MYOZ2: variants seen among roughly 807,000 people sequenced by gnomAD.
The protein encoded by MYOZ2 is myozenin-2.
A neutral mutation model predicts 25.4 loss-of-function variants in MYOZ2; 19 were observed. The observed-to-expected ratio is 0.75, with a 90% CI of 0.52 to 1.10. The LOEUF (loss-of-function observed/expected upper bound fraction) is 1.10. Ranked by LOEUF, MYOZ2 falls within the 50% of genes least tolerant of loss-of-function variation. The pLI is 0.00. For missense variants in MYOZ2, 270 were observed against 317.9 expected (o/e 0.85, Z 1.15); for synonymous variants, 92 against 106.9 (o/e 0.86, Z 0.86).
chr4:119,158,800 C>T (rs372150093), intron 4 of MYOZ2, among the ~76,000 whole-genome samples: 61 of 152,214 alleles, frequency 4.0e-4, no homozygotes, highest in African/African-American at 1.3e-3. Context: ...AACTCTATGA[C>T]ATATTAATTA....
At chr4:119,177,497 C>T (rs1742101830) in intron 5 of MYOZ2, among the ~76,000 whole-genome samples, 1 of 152,164 alleles carries the variant, frequency 6.6e-6, no homozygotes, top group Non-Finnish European at 1.5e-5. Flanking sequence ...AGACAATTCA[C>T]ACTTTCTTCT....
intron 5 of MYOZ2, among the ~76,000 whole-genome samples, chr4:119,174,391 A>G (rs563959841): frequency 2.0e-5 from 3 of 152,098 alleles, no homozygotes; most frequent in Non-Finnish European, 4.4e-5. Flanking sequence ...GAATGCACCA[A>G]TGGACACTCT....
At chr4:119,151,295 C>G (rs543470663) in intron 3 of MYOZ2, among the ~76,000 whole-genome samples, 7 of 152,150 alleles carry the variant, frequency 4.6e-5, no homozygotes, top group Non-Finnish European at 5.9e-5. Context: ...GTCTGTTCCA[C>G]TAAGAGGAGG....
At chr4:119,156,967 T>G (rs1741589754) in intron 3 of MYOZ2, among the ~76,000 whole-genome samples, 2 of 152,224 alleles carry the variant, frequency 1.3e-5, no homozygotes, top group African/African-American at 4.8e-5. Context: ...ATTTATGGCC[T>G]TTAGTTATGG....
At chr4:119,176,941 C>G (rs927189305) in intron 5 of MYOZ2, among the ~76,000 whole-genome samples, 10 of 152,116 alleles carry the variant, frequency 6.6e-5, no homozygotes, top group African/African-American at 2.4e-4. Flanking sequence ...TAACTAGTTC[C>G]CAGATGAAGC....
chr4:119,185,635 G>A (rs1488290448), intron 5 of MYOZ2, among the ~76,000 whole-genome samples: 1 of 152,146 alleles, frequency 6.6e-6, no homozygotes, highest in Non-Finnish European at 1.5e-5. Context: ...TTGAATAGGG[G>A]AAATATTGTT....
At chr4:119,158,563 AG>A (rs886077341) in intron 4 of MYOZ2, among the ~76,000 whole-genome samples, 3 of 152,020 alleles carry the variant, frequency 2.0e-5, no homozygotes, top group African/African-American at 4.8e-5. Flanking sequence ...CTCAAAAAAA[AG>A]TTTCTTTTTT....
chr4:119,180,865 A>G (rs1017543147), intron 5 of MYOZ2, among the ~76,000 whole-genome samples: 5 of 152,130 alleles, frequency 3.3e-5, no homozygotes, highest in Non-Finnish European at 5.9e-5. Context: ...CTATGACCAC[A>G]TTTTTAAAGT....
intron 4 of MYOZ2, among the ~76,000 whole-genome samples, chr4:119,158,564 G>C (rs4301093): frequency 6.6e-6 from 1 of 152,056 alleles, no homozygotes; most frequent in African/African-American, 2.4e-5. Flanking sequence ...TCAAAAAAAA[G>C]TTTCTTTTTT....
intron 5 of MYOZ2, among the ~76,000 whole-genome samples, chr4:119,166,345 A>C (rs940401606): frequency 2.0e-5 from 3 of 152,050 alleles, no homozygotes; most frequent in Admixed American, 6.6e-5. Flanking sequence ...TTGAGAAGCC[A>C]AGGTGAGCTG....
intron 2 of MYOZ2, among the ~76,000 whole-genome samples, chr4:119,141,630 C>T (rs759814338): frequency 1.3e-5 from 2 of 152,200 alleles, no homozygotes; most frequent in Non-Finnish European, 2.9e-5. Flanking sequence ...GATCCACCTG[C>T]CTCAGCCTCC....
At chr4:119,157,380 C>T (rs1174332874) in intron 3 of MYOZ2, among the ~76,000 whole-genome samples, 1 of 151,886 alleles carries the variant, frequency 6.6e-6, no homozygotes, top group Non-Finnish European at 1.5e-5. Flanking sequence ...TAGAATAAAT[C>T]CTGTAATAGG....
At chr4:119,176,168 A>C (rs1193983241) in intron 5 of MYOZ2, among the ~76,000 whole-genome samples, 1 of 152,206 alleles carries the variant, frequency 6.6e-6, no homozygotes, top group Non-Finnish European at 1.5e-5. Context: ...TTGTATCTAG[A>C]CATGCTAAGA....
chr4:119,140,439 T>C (rs1018778823), intron 2 of MYOZ2, among the ~76,000 whole-genome samples: 1 of 152,214 alleles, frequency 6.6e-6, no homozygotes, highest in Non-Finnish European at 1.5e-5. Context: ...TTTGGTAATT[T>C]TCTGTGGTTT....
intron 5 of MYOZ2, 65 bp downstream of exon 5, chr4:119,164,459 G>A (rs1461602465): frequency 6.5e-7 from 1 of 1,537,958 alleles, no homozygotes; most frequent in African/African-American, 1.4e-5. Flanking sequence ...TCATGGTACA[G>A]ATAACTGAAT....
intron 2 of MYOZ2, among the ~76,000 whole-genome samples, chr4:119,144,321 T>A (rs1741238196): frequency 6.6e-6 from 1 of 152,216 alleles, no homozygotes; most frequent in East Asian, 1.9e-4. Context: ...CTGAATACCA[T>A]GCTGTGGATG....
intron 3 of MYOZ2, among the ~76,000 whole-genome samples, chr4:119,156,536 T>A (rs1363918481): frequency 6.6e-6 from 1 of 152,044 alleles, no homozygotes; most frequent in Non-Finnish European, 1.5e-5. Context: ...GTCATAATAT[T>A]TTTGCTATAA....
intron 4 of MYOZ2, among the ~76,000 whole-genome samples, chr4:119,163,174 T>C (rs967771452): frequency 9.9e-5 from 15 of 151,902 alleles, no homozygotes; most frequent in Non-Finnish European, 2.1e-4. Context: ...CTGAAGAAAA[T>C]TAAATAATCA....
intron 5 of MYOZ2, among the ~76,000 whole-genome samples, chr4:119,178,244 G>A (rs1272656838): frequency 3.9e-5 from 6 of 152,124 alleles, no homozygotes; most frequent in Middle Eastern, 3.4e-3. Flanking sequence ...TCCAAACTCC[G>A]TATGTTAGGA....
Sources: allele counts gnomAD v4.1 joint callset (sites outside exome capture counted in the v4.1 genomes callset), GRCh38; gene constraint gnomAD v4.1.1; transcripts MANE v1.5; gene names NCBI Gene and HGNC (gene_info 2026-07-23, HGNC 2026-07-21).